The following CAMK1G variants were observed in gnomAD, a reference collection of about 807,000 sequenced individuals.
The protein encoded by CAMK1G is calcium/calmodulin dependent protein kinase IG.
A neutral mutation model predicts 54.8 loss-of-function variants in CAMK1G; 27 were observed. The observed-to-expected ratio is 0.49, with a 90% CI of 0.36 to 0.68. The LOEUF (loss-of-function observed/expected upper bound fraction) is 0.68, where lower values mean the gene tolerates loss of function less well. Ranked by LOEUF, CAMK1G falls within the 30% of genes least tolerant of loss-of-function variation. The pLI is 0.00. For missense variants in CAMK1G, 512 were observed against 591.0 expected (o/e 0.87, Z 1.39); for synonymous variants, 238 against 224.9 (o/e 1.06, Z -0.52).
chr1:209,595,469 C>T (rs1215795473), intron 2 of CAMK1G, among the ~76,000 whole-genome samples: 1 of 152,078 alleles, frequency 6.6e-6, no homozygotes, highest in Non-Finnish European at 1.5e-5. Flanking sequence ...AGTCCCTTTC[C>T]CCCAGGGTTT....
At chr1:209,586,508 G>T (rs139598348) in intron 1 of CAMK1G, among the ~76,000 whole-genome samples, 3 of 152,184 alleles carry the variant, frequency 2.0e-5, no homozygotes, top group African/African-American at 7.2e-5. Context: ...GTGGGAGCTG[G>T]AACCAGCTGA....
chr1:209,608,912 G>T, intron 7 of CAMK1G, 68 bp from the exon 8 acceptor site: 1 of 1,596,630 alleles, frequency 6.3e-7, no homozygotes, highest in Non-Finnish European at 8.5e-7. Flanking sequence ...GAGCTTGGGG[G>T]AGCAGAGAGG....
intron 3 of CAMK1G, among the ~76,000 whole-genome samples, chr1:209,600,639 A>T (rs1665505356): frequency 6.6e-6 from 1 of 152,252 alleles, no homozygotes; most frequent in Non-Finnish European, 1.5e-5. Context: ...GGCAGACAAA[A>T]TTCCTTACCC....
chr1:209,606,094 A>G (rs1302134374), intron 5 of CAMK1G, among the ~76,000 whole-genome samples: 1 of 152,142 alleles, frequency 6.6e-6, no homozygotes, highest in African/African-American at 2.4e-5. Flanking sequence ...TGAGTATATT[A>G]ATGTTTACAA....
At chr1:209,595,716 A>T (rs1665363248) in intron 2 of CAMK1G, among the ~76,000 whole-genome samples, 1 of 152,198 alleles carries the variant, frequency 6.6e-6, no homozygotes, top group South Asian at 2.1e-4. Context: ...CGTGGGTCAC[A>T]CACACCTGAA....
chr1:209,612,953 T>C (rs1665819910), intron 12 of CAMK1G, 41 bp downstream of exon 12: 7 of 1,075,210 alleles, frequency 6.5e-6, no homozygotes, highest in Admixed American at 3.4e-5. Flanking sequence ...AGAGTTTCTG[T>C]CCCAGAGGAG....
At chr1:209,608,021 C>A in intron 7 of CAMK1G, 88 bp downstream of exon 7, 1 of 1,008,160 alleles carries the variant, frequency 9.9e-7, no homozygotes, top group East Asian at 2.4e-5. Context: ...TCAGCTCCTC[C>A]TCCAAGCACG....
At chr1:209,605,018 C>T (rs1433690127) in intron 4 of CAMK1G, among the ~76,000 whole-genome samples, 1 of 152,172 alleles carries the variant, frequency 6.6e-6, no homozygotes, top group Non-Finnish European at 1.5e-5. Context: ...GATACTCTAC[C>T]ATTTGAGTCT....
At chr1:209,589,560 C>T (rs576061475) in intron 1 of CAMK1G, among the ~76,000 whole-genome samples, 8 of 152,276 alleles carry the variant, frequency 5.3e-5, no homozygotes, top group African/African-American at 9.6e-5. Context: ...CTCCACAATG[C>T]GCTCCCCAAT....
rs556793973 is a variant in CAMK1G at position 209,606,305 on chromosome 1, T to G, written c.436-15T>G. ...AGGTGGTTATATCCTACACTACATA[T>G]TTTTTCTCCTACAGCCCGAAAACCT... On this transcript the variant is annotated splice_polypyrimidine_tract_variant and intron_variant, in intron 5 of 12. Coordinates refer to ENST00000361322, the MANE Select transcript of CAMK1G (RefSeq NM_020439.3). The G allele has an allele frequency of 7.4e-6, 12 of 1,612,954 alleles. No homozygotes were observed. The East Asian group carries it at 2.7e-4, about 36-fold the overall frequency.
intron 8 of CAMK1G, 91 bp from the exon 9 acceptor site, chr1:209,609,760 G>A: frequency 8.2e-7 from 1 of 1,223,942 alleles, no homozygotes. Flanking sequence ...AGCTAAAGAT[G>A]CATTCACTGC....
intron 8 of CAMK1G, 92 bp from the exon 9 acceptor site, chr1:209,609,759 T>G (rs918616145): frequency 8.2e-7 from 1 of 1,218,734 alleles, no homozygotes; most frequent in Non-Finnish European, 1.2e-6. Context: ...CAGCTAAAGA[T>G]GCATTCACTG....
intron 1 of CAMK1G, among the ~76,000 whole-genome samples, chr1:209,586,336 A>G (rs1423604716): frequency 6.6e-6 from 1 of 151,970 alleles, no homozygotes; most frequent in Non-Finnish European, 1.5e-5. Flanking sequence ...AAAAACCAAC[A>G]GAAGTATTAT....
chr1:209,598,688 G>T (rs542145081), intron 2 of CAMK1G, among the ~76,000 whole-genome samples: 42 of 152,250 alleles, frequency 2.8e-4, no homozygotes, highest in African/African-American at 9.1e-4. Flanking sequence ...ACTCAGCAGC[G>T]CCCACATGAC....
At chr1:209,610,750 C>T (rs1362226397) in intron 9 of CAMK1G, among the ~76,000 whole-genome samples, 1 of 152,212 alleles carries the variant, frequency 6.6e-6, no homozygotes, top group Non-Finnish European at 1.5e-5. Context: ...CCATGTATTA[C>T]TGCAGTCCAT....
chr1:209,609,897 G>A lies in CAMK1G; in HGVS notation c.795G>A (p.Arg265=), dbSNP rs775571475. 18 of 1,614,086 alleles carry A rather than the reference G, an allele frequency of 1.1e-5. No homozygotes were observed. Among genetic ancestry groups the A allele is most frequent in the Non-Finnish European group, 1.2e-5 (14 of 1,179,996 alleles). ...TGCTTGAGAAGGATCCGAACGAGCG[G>A]TACACCTGTGAGAAGGCCTTGAGTC... ...CHLLEKDPNE[R]YTCEKALSHP... The change falls in exon 9 of 13, where the codon CGG becomes CGA. Residue 265 remains arginine, a synonymous_variant. Transcript: ENST00000361322.
Position 209,603,230 on chromosome 1 carries a change from A to G in CAMK1G, c.238A>G (p.Ile80Val). 1 of 1,614,154 alleles carries G rather than the reference A, an allele frequency of 6.2e-7. No individual in the cohort carries two copies. Among genetic ancestry groups the G allele is most frequent in the Non-Finnish European group, 8.5e-7 (1 of 1,179,996 alleles). Residue 80 changes from isoleucine (I) to valine (V), a missense_variant, in exon 4 of 13, where the codon ATT becomes GTT. Physicochemically the swap from Ile to Val is conservative, Grantham distance 29. Coordinates refer to ENST00000361322, the MANE Select transcript of CAMK1G (RefSeq NM_020439.3). ...TTTTCCCAGGATCAAGCATGAAAAC[A>G]TTGTGACCCTGGAGGACATCTATGA... is the stretch of plus-strand genomic sequence containing the variant. The part of the protein sequence containing the change: ...AVLKKIKHEN[I>V]VTLEDIYEST...
intron 2 of CAMK1G, among the ~76,000 whole-genome samples, chr1:209,599,225 G>A (rs775946084): frequency 3.9e-4 from 59 of 152,148 alleles, no homozygotes; most frequent in Non-Finnish European, 4.1e-4. Context: ...TCTCTCCCTT[G>A]ACACATGGGG....
intron 1 of CAMK1G, among the ~76,000 whole-genome samples, chr1:209,586,198 A>G (rs1199299362): frequency 3.3e-5 from 5 of 152,178 alleles, no homozygotes. Flanking sequence ...ATGAGCGTCC[A>G]ACCTGTACAA....
Sources: allele counts gnomAD v4.1 joint callset (sites outside exome capture counted in the v4.1 genomes callset), GRCh38; gene constraint gnomAD v4.1.1; transcripts MANE v1.5; gene names NCBI Gene and HGNC (gene_info 2026-07-23, HGNC 2026-07-21).